Variants in VAV3 observed in about 807,000 individuals in gnomAD.
The protein encoded by VAV3 is guanine nucleotide exchange factor VAV3.
A neutral mutation model predicts 131.2 loss-of-function variants in VAV3; 94 were observed. The observed-to-expected ratio is 0.72, with a 90% CI of 0.61 to 0.85. The LOEUF is 0.85. VAV3 is among the 40% of genes least tolerant of loss of function. VAV3 has a pLI of 0.00. For synonymous variants in VAV3, 349 were observed against 342.0 expected (o/e 1.02, Z -0.22); for missense variants, 939 against 1,002.7 (o/e 0.94, Z 0.86).
chr1:107,895,146 C>G (rs1308242943), intron 1 of VAV3, among the ~76,000 whole-genome samples: 4 of 151,964 alleles, frequency 2.6e-5, no homozygotes, highest in Admixed American at 1.3e-4. Flanking sequence ...CTATGGGAAG[C>G]AGGAGCAGGA....
chr1:107,684,782 A>C (rs1228849043), intron 18 of VAV3, among the ~76,000 whole-genome samples: 1 of 152,218 alleles, frequency 6.6e-6, no homozygotes, highest in Non-Finnish European at 1.5e-5. Flanking sequence ...GTTGGTAGCC[A>C]AGGCACAAAA....
At chr1:107,927,007 C>G (rs937497579) in intron 1 of VAV3, among the ~76,000 whole-genome samples, 2 of 152,208 alleles carry the variant, frequency 1.3e-5, no homozygotes, top group Admixed American at 6.5e-5. Flanking sequence ...CCCCTAACCC[C>G]ATGCTGCACA....
At chr1:107,875,255 GACAGACAAA>G (rs1670439551) in intron 1 of VAV3, among the ~76,000 whole-genome samples, 1 of 152,142 alleles carries the variant, frequency 6.6e-6, no homozygotes, top group South Asian at 2.1e-4. Context: ...AATATGAAAA[GACAGACAAA>G]ACAGACAAAG....
At chr1:107,625,646 A>G (rs1240781752) in intron 20 of VAV3, among the ~76,000 whole-genome samples, 1 of 152,224 alleles carries the variant, frequency 6.6e-6, no homozygotes, top group African/African-American at 2.4e-5. Flanking sequence ...CTCAGTGTGA[A>G]GCGGTCTATT....
At chr1:107,938,006 T>A (rs1016048097) in intron 1 of VAV3, among the ~76,000 whole-genome samples, 2 of 152,178 alleles carry the variant, frequency 1.3e-5, no homozygotes, top group African/African-American at 4.8e-5. Context: ...CCTCCTTGCT[T>A]TGAAGCATCA....
At chr1:107,669,000 T>A in intron 19 of VAV3, 1 of 1,009,262 alleles carries the variant, frequency 9.9e-7, no homozygotes, top group Non-Finnish European at 1.2e-6. Context: ...TCTAAGGGAG[T>A]CAGCGCTGAC....
Position 107,573,286 on chromosome 1 carries a change from C to G in VAV3, c.*45G>C. 1 of 1,606,966 alleles carries G rather than the reference C, an allele frequency of 6.2e-7. No homozygotes were observed. ...GATGCTGTGCAGGCTTCTATTTATC[C>G]CTTCTCTGAAATTTTTGGTGCAGGG... On this transcript the variant is annotated 3_prime_UTR_variant, in exon 27 of 27. Transcript: ENST00000370056.
chr1:107,774,253 G>C (rs765255044), intron 4 of VAV3, among the ~76,000 whole-genome samples: 2 of 152,146 alleles, frequency 1.3e-5, no homozygotes, highest in Non-Finnish European at 2.9e-5. Context: ...TTTTAGTAGA[G>C]ACAGGGTTTC....
chr1:107,665,879 C>T (rs1557745637), intron 19 of VAV3, among the ~76,000 whole-genome samples: 1 of 152,172 alleles, frequency 6.6e-6, no homozygotes, highest in Non-Finnish European at 1.5e-5. Flanking sequence ...TTTATACACA[C>T]ACTAGTGATG....
intron 24 of VAV3, among the ~76,000 whole-genome samples, chr1:107,600,475 T>C (rs985979862): frequency 6.6e-6 from 1 of 152,296 alleles, no homozygotes; most frequent in African/African-American, 2.4e-5. Flanking sequence ...TGCCCAGATA[T>C]GGAGACGAAA....
intron 1 of VAV3, among the ~76,000 whole-genome samples, chr1:107,946,813 G>A (rs1230794848): frequency 6.6e-6 from 1 of 152,098 alleles, no homozygotes; most frequent in Non-Finnish European, 1.5e-5. Flanking sequence ...TTCTATTACT[G>A]GATCCCTCAA....
At chr1:107,732,289 C>T (rs894726212) in intron 15 of VAV3, among the ~76,000 whole-genome samples, 2 of 152,206 alleles carry the variant, frequency 1.3e-5, no homozygotes, top group South Asian at 2.1e-4. Flanking sequence ...CAGCTCCCAG[C>T]GTGACTGACG....
At chr1:107,854,753 G>C (rs1270757742) in intron 2 of VAV3, among the ~76,000 whole-genome samples, 1 of 152,144 alleles carries the variant, frequency 6.6e-6, no homozygotes. Flanking sequence ...GAATATGATG[G>C]GAGGGTCTCT....
At chr1:107,731,965 C>T (rs541145052) in intron 15 of VAV3, among the ~76,000 whole-genome samples, 14 of 152,052 alleles carry the variant, frequency 9.2e-5, no homozygotes, top group East Asian at 3.9e-4. Flanking sequence ...TTATTTGAAG[C>T]GAAAGCATAT....
At chr1:107,764,369 T>C (rs962922552) in intron 9 of VAV3, among the ~76,000 whole-genome samples, 1 of 152,200 alleles carries the variant, frequency 6.6e-6, no homozygotes, top group African/African-American at 2.4e-5. Flanking sequence ...CTGAAGTGGG[T>C]AGATTCAGTC....
At chr1:107,752,950 T>A (rs1663828496) in intron 12 of VAV3, among the ~76,000 whole-genome samples, 1 of 152,128 alleles carries the variant, frequency 6.6e-6, no homozygotes, top group East Asian at 1.9e-4. Flanking sequence ...TCCAAGTATA[T>A]AACTAAAAGA....
At chr1:107,737,416 G>A (rs1482681395) in intron 15 of VAV3, among the ~76,000 whole-genome samples, 2 of 152,146 alleles carry the variant, frequency 1.3e-5, no homozygotes, top group African/African-American at 2.4e-5. Flanking sequence ...GAGTGAACAG[G>A]CAACCTACAG....
At chr1:107,593,742 T>C (rs902261422) in intron 25 of VAV3, among the ~76,000 whole-genome samples, 1 of 152,058 alleles carries the variant, frequency 6.6e-6, no homozygotes, top group Admixed American at 6.6e-5. Flanking sequence ...TTATCAAGAC[T>C]TGGTATAAAA....
At chr1:107,807,974 T>C (rs1187533325) in intron 2 of VAV3, among the ~76,000 whole-genome samples, 1 of 152,152 alleles carries the variant, frequency 6.6e-6, no homozygotes, top group African/African-American at 2.4e-5. Context: ...AGAAATAAAA[T>C]GCTCAGATTA....
Sources: gnomAD v4.1 joint callset for allele counts (sites outside exome capture counted in the v4.1 genomes callset) on GRCh38, gnomAD v4.1.1 for gene constraint, MANE v1.5 for transcripts, NCBI Gene and HGNC (gene_info 2026-07-23, HGNC 2026-07-21) for gene names.